Variants in CDV3 observed in about 807,000 individuals in gnomAD.
The protein encoded by CDV3 is CDV3 homolog.
Under a neutral mutation model 24.5 loss-of-function variants are expected in CDV3, and 14 were observed. The ratio of observed to expected loss-of-function variants is 0.57; its 90% CI spans 0.38 to 0.89. The LOEUF is 0.89. Ranked by LOEUF, CDV3 falls within the 40% of genes least tolerant of loss-of-function variation. The pLI, the probability that CDV3 is intolerant of heterozygous loss-of-function variation, is 0.00. For synonymous variants in CDV3, 114 were observed against 114.1 expected (o/e 1.00, Z 0.00); for missense variants, 304 against 310.2 (o/e 0.98, Z 0.15).
intron 4 of CDV3, chr3:133,587,671 A>G: frequency 7.8e-7 from 1 of 1,287,278 alleles, no homozygotes; most frequent in Non-Finnish European, 9.8e-7. Flanking sequence ...CACAGTTAAT[A>G]CTGTTCAGTA....
intron 2 of CDV3, among the ~76,000 whole-genome samples, chr3:133,581,782 T>C (rs1386471842): frequency 6.6e-6 from 1 of 152,148 alleles, no homozygotes; most frequent in Non-Finnish European, 1.5e-5. Context: ...GTTTTTGTAT[T>C]TATATTAGGT....
chr3:133,578,643 G>T (rs534616950), intron 2 of CDV3, among the ~76,000 whole-genome samples: 3 of 152,174 alleles, frequency 2.0e-5, no homozygotes, highest in African/African-American at 7.2e-5. Flanking sequence ...CTTTGGATGA[G>T]GTGCAGTGCC....
chr3:133,582,442 C>T (rs114303766), intron 2 of CDV3, among the ~76,000 whole-genome samples: 415 of 152,348 alleles, frequency 2.7e-3, no homozygotes, highest in African/African-American at 9.4e-3. Flanking sequence ...TGAGCCACTG[C>T]GCCTGGCCAG....
intron 2 of CDV3, among the ~76,000 whole-genome samples, chr3:133,580,721 CAG>C (rs953673904): frequency 2.0e-5 from 3 of 151,852 alleles, no homozygotes; most frequent in Non-Finnish European, 2.9e-5. Flanking sequence ...AAAATAGAGA[CAG>C]AGTCTCACTG....
In CDV3 at chr3:133,589,346, C is replaced by T. The variant is rs747290012; in HGVS notation, c.*1300C>T. ...TTTATGTTCATTTGGAGAGTCAGGG[C>T]GAAAGACAGGTGATGTAGCACTTCT... On this transcript the variant is annotated 3_prime_UTR_variant, in exon 5 of 5. Coordinates refer to ENST00000264993, the MANE Select transcript of CDV3 (RefSeq NM_017548.5). 6.6e-6 allele frequency: 1 copy of T among 152,478 alleles called. No individual in the cohort carries two copies. The highest frequency in any genetic ancestry group is 2.1e-4 in the South Asian group (1 of 4,814). The allele number at this position is 152,478 out of a possible 1,614,324, so 9.4% of individuals were successfully genotyped here. A position where few individuals can be genotyped will look rare whatever the true frequency, so the allele number is the denominator to read the frequency against.
intron 2 of CDV3, among the ~76,000 whole-genome samples, chr3:133,579,415 G>A (rs940891493): frequency 6.6e-6 from 1 of 152,128 alleles, no homozygotes; most frequent in African/African-American, 2.4e-5. Flanking sequence ...CGTTTGGAAC[G>A]TGTTTCTTGT....
chr3:133,585,930 T>C (rs551160898), intron 3 of CDV3, among the ~76,000 whole-genome samples: 7 of 152,346 alleles, frequency 4.6e-5, no homozygotes, highest in African/African-American at 1.7e-4. Context: ...ACTAAAGTCC[T>C]ATTCTGAGAG....
intron 2 of CDV3, among the ~76,000 whole-genome samples, chr3:133,583,061 G>T (rs760745634): frequency 2.6e-4 from 39 of 152,196 alleles, no homozygotes; most frequent in Non-Finnish European, 5.1e-4. Flanking sequence ...AAATTAATTA[G>T]CATTGAGAAA....
intron 3 of CDV3, 28 bp downstream of exon 3, chr3:133,584,178 G>T (rs1933350892): frequency 6.5e-7 from 1 of 1,539,632 alleles, no homozygotes; most frequent in Non-Finnish European, 8.9e-7. Context: ...GTTTCAGAAA[G>T]ATGTCTAATT....
chr3:133,574,762 T>A, intron 1 of CDV3: 1 of 1,113,862 alleles, frequency 9.0e-7, no homozygotes, highest in Non-Finnish European at 1.1e-6. Context: ...GAAATGTAGT[T>A]GTGAAATTCC....
chr3:133,588,516 C>T lies in CDV3; in HGVS notation c.*470C>T. 3.8e-6 allele frequency: 3 copies of T among 797,130 alleles called. No homozygotes were observed. The highest frequency in any genetic ancestry group is 6.0e-6 in the Non-Finnish European group (3 of 499,714). The allele number at this position is 797,130 out of a possible 1,614,324, so 49.4% of individuals were successfully genotyped here. On this transcript the variant is annotated 3_prime_UTR_variant, in exon 5 of 5. Coordinates refer to ENST00000264993, the MANE Select transcript of CDV3 (RefSeq NM_017548.5). Reference sequence around the variant, plus strand: ...TTATCAGAAATCCTGCATAAAAAGTCAGCCATCTGGGTTCTGATCTGCTGT... The same window carrying T: ...TTATCAGAAATCCTGCATAAAAAGTTAGCCATCTGGGTTCTGATCTGCTGT...
rs2074694462 is a variant in CDV3 at position 133,573,718 on chromosome 3, T to A, written c.-327T>A. 6.7e-6 allele frequency: 1 copy of A among 149,524 alleles called. No homozygotes were observed. The highest frequency in any genetic ancestry group is 2.2e-4 in the South Asian group (1 of 4,618). The allele number at this position is 149,524 out of a possible 1,614,324, so 9.3% of individuals were successfully genotyped here. A position where few individuals can be genotyped will look rare whatever the true frequency, so the allele number is the denominator to read the frequency against. ...ACGCGCCGCTGCTAGCCGAGCACTC[T>A]CGCCAGAACCTCTGGCTCGCGCGTG... is the stretch of plus-strand genomic sequence containing the variant. On this transcript the variant is annotated 5_prime_UTR_variant, in exon 1 of 5. Coordinates refer to ENST00000264993, the MANE Select transcript of CDV3 (RefSeq NM_017548.5).
chr3:133,586,448 C>A, intron 3 of CDV3, 115 bp from the exon 4 acceptor site: 1 of 636,406 alleles, frequency 1.6e-6, no homozygotes. Context: ...TGGTCTGACC[C>A]AGAGACCCTG....
chr3:133,578,849 A>G (rs1437614470), intron 2 of CDV3, among the ~76,000 whole-genome samples: 2 of 152,196 alleles, frequency 1.3e-5, no homozygotes, highest in African/African-American at 4.8e-5. Flanking sequence ...ATAAATTCTC[A>G]TGTCTCTTGA....
chr3:133,582,443 G>A (rs1274109230), intron 2 of CDV3, among the ~76,000 whole-genome samples: 1 of 152,258 alleles, frequency 6.6e-6, no homozygotes, highest in African/African-American at 2.4e-5. Context: ...GAGCCACTGC[G>A]CCTGGCCAGT....
intron 2 of CDV3, among the ~76,000 whole-genome samples, chr3:133,576,092 A>G (rs1040703337): frequency 6.6e-6 from 1 of 152,254 alleles, no homozygotes; most frequent in Non-Finnish European, 1.5e-5. Context: ...AGCTTTAGAT[A>G]ACTTACTCAA....
intron 1 of CDV3, chr3:133,574,509 C>T (rs1210894092): frequency 4.1e-6 from 4 of 986,070 alleles, no homozygotes; most frequent in African/African-American, 1.7e-5. Flanking sequence ...CGTCGCTCGG[C>T]GTTAGCCAAG....
chr3:133,574,381 C>T lies in CDV3; in HGVS notation c.240+97C>T, dbSNP rs537061552. The stretch of plus-strand genomic sequence containing the variant: ...CCGGGGAAGCGTCCGGGAGGGGCCG[C>T]GGAGGCCGGGCGGACGGGCGCGGGC... On this transcript the variant is annotated intron_variant, in intron 1 of 4. Transcript: ENST00000264993. 7.5e-6 allele frequency: 7 copies of T among 934,604 alleles called. No individual in the cohort carries two copies. In the African/African-American group the frequency reaches 1.1e-4, roughly 14 times the overall value. The allele number at this position is 934,604 out of a possible 1,614,324, so 57.9% of individuals were successfully genotyped here. A position where few individuals can be genotyped will look rare whatever the true frequency, so the allele number is the denominator to read the frequency against.
At chr3:133,574,751 A>T in intron 1 of CDV3, 1 of 1,094,130 alleles carries the variant, frequency 9.1e-7, no homozygotes, top group Non-Finnish European at 1.1e-6. Context: ...AGGTTGAAGT[A>T]GAAATGTAGT....
Sources: gnomAD v4.1 joint callset for allele counts (sites outside exome capture counted in the v4.1 genomes callset) on GRCh38, gnomAD v4.1.1 for gene constraint, MANE v1.5 for transcripts, NCBI Gene and HGNC (gene_info 2026-07-23, HGNC 2026-07-21) for gene names.